SLC25A21: variants seen among roughly 807,000 people sequenced by gnomAD.
SLC25A21 encodes the protein mitochondrial 2-oxodicarboxylate carrier.
In SLC25A21, 47 loss-of-function variants were observed where a neutral mutation model predicts 43.8. That is an observed-to-expected ratio of 1.07 (90% CI 0.85 to 1.37). The LOEUF (loss-of-function observed/expected upper bound fraction) is 1.37. SLC25A21 is among the 40% of genes most tolerant of loss of function. The probability of loss-of-function intolerance (pLI) is 0.00; values close to 1 mark genes in which losing one functional copy is unlikely to be tolerated. For missense variants in SLC25A21, 352 were observed against 350.2 expected, an observed-to-expected ratio of 1.00 and a Z score of -0.04; for synonymous variants, 131 against 121.3, an observed-to-expected ratio of 1.08 and a Z score of -0.52.
chr14:36,994,589 C>T (rs942381754), intron 1 of SLC25A21, among the ~76,000 whole-genome samples: 5 of 152,138 alleles, frequency 3.3e-5, no homozygotes, highest in African/African-American at 1.2e-4. Flanking sequence ...TTCAGTTTAC[C>T]ATAGGCAGAG....
intron 3 of SLC25A21, among the ~76,000 whole-genome samples, chr14:36,742,079 C>T (rs932171124): frequency 1.3e-5 from 2 of 152,124 alleles, no homozygotes; most frequent in South Asian, 2.1e-4. Context: ...TGTATGGAAG[C>T]CTTGAGTCAT....
chr14:37,134,368 A>G (rs773975691), intron 1 of SLC25A21, among the ~76,000 whole-genome samples: 21 of 152,214 alleles, frequency 1.4e-4, no homozygotes, highest in Non-Finnish European at 2.5e-4. Context: ...TCTAAGTAAA[A>G]TAATTATCCT....
At chr14:36,979,323 G>GTGT (rs1555340036) in intron 1 of SLC25A21, among the ~76,000 whole-genome samples, 2 of 123,756 alleles carry the variant, frequency 1.6e-5, no homozygotes, top group African/African-American at 6.2e-5. Context: ...TTAAGGTAGT[G>GTGT]TTTTTTTGGT....
chr14:37,083,042 T>C (rs1193439934), intron 1 of SLC25A21, among the ~76,000 whole-genome samples: 1 of 152,234 alleles, frequency 6.6e-6, no homozygotes, highest in Admixed American at 6.5e-5. Flanking sequence ...GTCTCATCAA[T>C]TTCAAGTTTA....
intron 2 of SLC25A21, among the ~76,000 whole-genome samples, chr14:36,853,885 T>C (rs1230936724): frequency 6.6e-6 from 1 of 152,232 alleles, no homozygotes; most frequent in Non-Finnish European, 1.5e-5. Flanking sequence ...GCACAGTCCA[T>C]CTAGTCTCTT....
chr14:36,722,819 C>A (rs952073327), intron 6 of SLC25A21, among the ~76,000 whole-genome samples: 1 of 152,094 alleles, frequency 6.6e-6, no homozygotes, highest in Non-Finnish European at 1.5e-5. Flanking sequence ...ATATGCATTA[C>A]TTTTATGCTT....
chr14:36,680,507 T>G lies in SLC25A21; in HGVS notation c.*151A>C. Reference sequence around the variant, plus strand: ...CAAAACTATAATCTCAAGTTGCCTATAGACATTTTTTAAAGTATTAAAATA... The same window carrying G: ...CAAAACTATAATCTCAAGTTGCCTAGAGACATTTTTTAAAGTATTAAAATA... On this transcript the variant is annotated 3_prime_UTR_variant, in exon 10 of 10. Transcript: ENST00000331299. The G allele has an allele frequency of 1.5e-6, 2 of 1,291,246 alleles. No individual in the cohort carries two copies. Among genetic ancestry groups the G allele is most frequent in the South Asian group, 6.0e-5 (2 of 33,354 alleles). 80.0% of individuals were successfully genotyped at this position (1,291,246 alleles called of 1,614,324 possible).
chr14:36,760,621 G>A (rs1043421064), intron 3 of SLC25A21, among the ~76,000 whole-genome samples: 4 of 152,180 alleles, frequency 2.6e-5, no homozygotes, highest in Admixed American at 2.6e-4. Flanking sequence ...AGATTTTTCT[G>A]TTCTGAAACA....
chr14:37,097,819 G>C (rs1474079698), intron 1 of SLC25A21: 2 of 151,084 alleles, frequency 1.3e-5, no homozygotes, highest in Non-Finnish European at 3.0e-5. Flanking sequence ...AGAAGGTGGA[G>C]GTTGCAGTGA....
intron 1 of SLC25A21, among the ~76,000 whole-genome samples, chr14:37,149,522 C>A (rs1376186145): frequency 1.3e-5 from 2 of 151,994 alleles, no homozygotes; most frequent in Non-Finnish European, 1.5e-5. Flanking sequence ...AGCTGAAACC[C>A]CATCTCTACT....
intron 1 of SLC25A21, among the ~76,000 whole-genome samples, chr14:37,163,184 T>G (rs1963977062): frequency 6.6e-6 from 1 of 151,892 alleles, no homozygotes; most frequent in Admixed American, 6.6e-5. Flanking sequence ...GAGATATACC[T>G]AATGCTAGAT....
intron 2 of SLC25A21, among the ~76,000 whole-genome samples, chr14:36,836,669 A>T (rs941201996): frequency 2.0e-5 from 3 of 152,238 alleles, no homozygotes; most frequent in Admixed American, 1.3e-4. Context: ...GGAGGTAGGC[A>T]TCAGGGTACC....
rs756523899 is a variant in SLC25A21 at position 36,874,950 on chromosome 14, C to A, written c.119+6G>T. The A allele has an allele frequency of 6.2e-6, 10 of 1,608,782 alleles. No individual in the cohort carries two copies. The highest frequency in any genetic ancestry group is 1.6e-4 in the Middle Eastern group (1 of 6,070). On this transcript the variant is annotated splice_donor_region_variant and intron_variant, in intron 2 of 9. Coordinates refer to ENST00000331299, the MANE Select transcript of SLC25A21 (RefSeq NM_030631.4). ...GTCAATAAAACTTGTTCATGCAGAA[C>A]CTTACCTGGTTTTCACCACATCTAG...
At chr14:37,142,759 G>A (rs764807367) in intron 1 of SLC25A21, among the ~76,000 whole-genome samples, 7 of 152,104 alleles carry the variant, frequency 4.6e-5, no homozygotes, top group African/African-American at 1.4e-4. Context: ...AGAAATGTCC[G>A]TTTTTCTCCT....
chr14:36,981,221 C>T (rs113599188), intron 1 of SLC25A21, among the ~76,000 whole-genome samples: 11,694 of 152,196 alleles, frequency 0.077, 1,493 homozygotes, highest in African/African-American at 0.27. Flanking sequence ...GAAATAGGAA[C>T]GCTTTTACAC....
At chr14:36,958,405 T>C (rs542896507) in intron 1 of SLC25A21, among the ~76,000 whole-genome samples, 17 of 152,274 alleles carry the variant, frequency 1.1e-4, no homozygotes, top group Admixed American at 3.3e-4. Context: ...ATTTAGAAAA[T>C]TGTCCTGTTA....
At chr14:36,695,912 C>T (rs1883001468) in intron 7 of SLC25A21, among the ~76,000 whole-genome samples, 1 of 152,138 alleles carries the variant, frequency 6.6e-6, no homozygotes, top group Non-Finnish European at 1.5e-5. Flanking sequence ...TTTCTCTTGC[C>T]TGACTGCCCT....
intron 1 of SLC25A21, chr14:36,952,180 G>A (rs535376384): frequency 1.2e-4 from 18 of 152,916 alleles, no homozygotes; most frequent in African/African-American, 3.9e-4. Context: ...GCAGTGAGCC[G>A]AGATTGCGCC....
chr14:36,876,551 A>T (rs906361638), intron 1 of SLC25A21, among the ~76,000 whole-genome samples: 2 of 152,068 alleles, frequency 1.3e-5, no homozygotes, highest in Non-Finnish European at 2.9e-5. Flanking sequence ...TTTATTATTA[A>T]GCCCTGTTAC....
Sources: gnomAD v4.1 joint callset for allele counts (sites outside exome capture counted in the v4.1 genomes callset) on GRCh38, gnomAD v4.1.1 for gene constraint, MANE v1.5 for transcripts, NCBI Gene and HGNC (gene_info 2026-07-23, HGNC 2026-07-21) for gene names.